The following FRMD4B variants were observed in gnomAD, a reference collection of about 807,000 sequenced individuals.
The protein encoded by FRMD4B is FERM domain containing 4B.
FRMD4B carries 74 observed loss-of-function variants against 141.5 expected under a neutral mutation model. The ratio of observed to expected loss-of-function variants is 0.52; its 90% CI spans 0.43 to 0.63. FRMD4B has a LOEUF of 0.63. Ranked by LOEUF, FRMD4B falls within the 30% of genes least tolerant of loss-of-function variation. FRMD4B has a pLI of 0.00. For synonymous variants in FRMD4B, 506 were observed against 467.9 expected, an observed-to-expected ratio of 1.08 and a Z score of -1.05; for missense variants, 1,366 against 1,253.4, an observed-to-expected ratio of 1.09 and a Z score of -1.36.
intron 1 of FRMD4B, among the ~76,000 whole-genome samples, chr3:69,344,125 C>T (rs1657656332): frequency 6.6e-6 from 1 of 152,182 alleles, no homozygotes; most frequent in Non-Finnish European, 1.5e-5. Flanking sequence ...GAGCTGCATC[C>T]ATTGCCAAAG....
At chr3:69,407,323 G>C (rs1249306330) in intron 2 of FRMD4B, among the ~76,000 whole-genome samples, 1 of 152,112 alleles carries the variant, frequency 6.6e-6, no homozygotes, top group Non-Finnish European at 1.5e-5. Context: ...CTTAGTAAAG[G>C]CGAGCGTTAG....
chr3:69,176,737 G>A (rs2092650402), intron 21 of FRMD4B, 81 bp from the exon 22 acceptor site: 2 of 863,740 alleles, frequency 2.3e-6, no homozygotes, highest in Admixed American at 2.3e-5. Context: ...GAGGTACATT[G>A]CAATCAGCTT....
intron 5 of FRMD4B, among the ~76,000 whole-genome samples, chr3:69,255,090 G>A (rs1301731200): frequency 2.0e-5 from 3 of 152,132 alleles, no homozygotes; most frequent in African/African-American, 7.2e-5. Flanking sequence ...CAACTGGACT[G>A]TATATTAAAT....
chr3:69,224,770 TA>T (rs1425944894), intron 7 of FRMD4B, 80 bp from the exon 8 acceptor site: 18 of 726,822 alleles, frequency 2.5e-5, no homozygotes, highest in South Asian at 1.9e-4. Context: ...TGAATTAGAT[TA>T]AAAAAATAAC....
chr3:69,390,596 T>G (rs908501487), upstream of FRMD4B, among the ~76,000 whole-genome samples: 2 of 151,996 alleles, frequency 1.3e-5, no homozygotes, highest in Admixed American at 1.3e-4. Flanking sequence ...CTGGTCTAAT[T>G]AAATGCTACA....
At chr3:69,439,797 C>T (rs1705316103) in intron 1 of FRMD4B, among the ~76,000 whole-genome samples, 1 of 152,202 alleles carries the variant, frequency 6.6e-6, no homozygotes, top group Admixed American at 6.5e-5. Flanking sequence ...AATGCAGTTT[C>T]ATTATGATTT....
chr3:69,373,200 T>C (rs1019940050), intron 1 of FRMD4B, among the ~76,000 whole-genome samples: 3 of 152,230 alleles, frequency 2.0e-5, no homozygotes, highest in Non-Finnish European at 4.4e-5. Context: ...ATGTGGCAGT[T>C]TTACCGACCC....
intron 1 of FRMD4B, among the ~76,000 whole-genome samples, chr3:69,314,725 C>T (rs1305006739): frequency 6.6e-6 from 1 of 152,014 alleles, no homozygotes; most frequent in East Asian, 1.9e-4. Context: ...GTTCCAGCTA[C>T]TCTGGAGGCT....
intron 1 of FRMD4B, among the ~76,000 whole-genome samples, chr3:69,474,149 C>A (rs1201183461): frequency 2.6e-5 from 4 of 152,176 alleles, no homozygotes; most frequent in Non-Finnish European, 4.4e-5. Flanking sequence ...TCAGCCTGGT[C>A]TTAGCTCATG....
chr3:69,350,208 T>C (rs1171192959), intron 1 of FRMD4B, among the ~76,000 whole-genome samples: 3 of 151,988 alleles, frequency 2.0e-5, no homozygotes, highest in African/African-American at 7.3e-5. Context: ...ATGCAACCAA[T>C]AGACACATGA....
chr3:69,315,999 T>C (rs944959978), intron 1 of FRMD4B, among the ~76,000 whole-genome samples: 1 of 152,240 alleles, frequency 6.6e-6, no homozygotes, highest in Non-Finnish European at 1.5e-5. Context: ...AGTTACCTTC[T>C]GGGATTAGTA....
intron 2 of FRMD4B, among the ~76,000 whole-genome samples, chr3:69,426,024 T>G (rs986687088): frequency 1.3e-5 from 2 of 152,254 alleles, no homozygotes; most frequent in Non-Finnish European, 2.9e-5. Flanking sequence ...CCACAGCTTT[T>G]GCTAAAGATT....
chr3:69,386,140 T>C (rs555201400), upstream of FRMD4B: 9 of 699,984 alleles, frequency 1.3e-5, no homozygotes, highest in Admixed American at 1.1e-4. Context: ...CCGTGCGTCC[T>C]GGCCAGGCTC....
intron 4 of FRMD4B, among the ~76,000 whole-genome samples, chr3:69,289,467 C>T (rs1018456834): frequency 9.2e-5 from 14 of 152,290 alleles, no homozygotes; most frequent in Middle Eastern, 3.4e-3. Context: ...GTGTCCACTG[C>T]CCCGGACACT....
At chr3:69,418,168 CT>C (rs1235357530) in intron 2 of FRMD4B, among the ~76,000 whole-genome samples, 3 of 152,156 alleles carry the variant, frequency 2.0e-5, no homozygotes, top group Admixed American at 2.0e-4. Flanking sequence ...CTGAGGCCAT[CT>C]TTTTCATCTC....
At chr3:69,437,833 C>A (rs1485777841) in intron 1 of FRMD4B, among the ~76,000 whole-genome samples, 19 of 122,638 alleles carry the variant, frequency 1.5e-4, no homozygotes, top group African/African-American at 6.3e-4. Flanking sequence ...TATTTATATT[C>A]ATATATAGTA....
chr3:69,309,078 C>T (rs957534456), intron 3 of FRMD4B, among the ~76,000 whole-genome samples: 5 of 152,132 alleles, frequency 3.3e-5, no homozygotes, highest in African/African-American at 7.2e-5. Context: ...GCTGAATCCT[C>T]GTGATATAGA....
chr3:69,326,683 C>T (rs1287208792), intron 1 of FRMD4B, among the ~76,000 whole-genome samples: 1 of 152,120 alleles, frequency 6.6e-6, no homozygotes, highest in African/African-American at 2.4e-5. Flanking sequence ...CTAGGCCAAG[C>T]TCAAAAAGGT....
At chr3:69,531,346 A>T (rs1238402119) in intron 1 of FRMD4B, among the ~76,000 whole-genome samples, 1 of 152,182 alleles carries the variant, frequency 6.6e-6, no homozygotes, top group African/African-American at 2.4e-5. Flanking sequence ...AATCTTTATC[A>T]TGATAACCCC....
Sources: gnomAD v4.1 joint callset for allele counts (sites outside exome capture counted in the v4.1 genomes callset) on GRCh38, gnomAD v4.1.1 for gene constraint, MANE v1.5 for transcripts, NCBI Gene and HGNC (gene_info 2026-07-23, HGNC 2026-07-21) for gene names.